Variants in NDST1 observed in about 807,000 individuals in gnomAD.
The protein encoded by NDST1 is bifunctional heparan sulfate N-deacetylase/N-sulfotransferase 1.
In NDST1, 35 loss-of-function variants were observed where a neutral mutation model predicts 92.8. The observed-to-expected ratio is 0.38, with a 90% CI of 0.29 to 0.50. The LOEUF (loss-of-function observed/expected upper bound fraction) is 0.50, where lower values mean the gene tolerates loss of function less well. Among genes scored for constraint, NDST1 ranks in the 20% least tolerant of loss-of-function variants. NDST1 has a pLI of 0.94. For missense variants in NDST1, 822 were observed against 1,182.7 expected (o/e 0.69, Z 4.47); for synonymous variants, 493 against 500.3 (o/e 0.99, Z 0.19).
rs1262315037 is a variant in NDST1, at chr5:150,555,019, G to A, written c.*1687G>A. On this transcript the variant is annotated 3_prime_UTR_variant, in exon 15 of 15. Transcript: ENST00000261797. Reference sequence around the variant, plus strand: ...TTGGGGCTGGAAGGTCCTTTGACGGGTATGAAACAGGTCCAGAAAGGGGAG... The same window carrying A: ...TTGGGGCTGGAAGGTCCTTTGACGGATATGAAACAGGTCCAGAAAGGGGAG... 2 of 152,800 alleles carry A rather than the reference G, an allele frequency of 1.3e-5. No homozygotes were observed. Among genetic ancestry groups the A allele is most frequent in the Admixed American group, 1.3e-4 (2 of 15,286 alleles). 9.5% of individuals were successfully genotyped at this position (152,800 alleles called of 1,614,324 possible).
chr5:150,532,164 G>T (rs1021162957), intron 3 of NDST1, among the ~76,000 whole-genome samples: 2 of 152,222 alleles, frequency 1.3e-5, no homozygotes, highest in East Asian at 1.9e-4. Flanking sequence ...TTAGAGCAGG[G>T]TCTTACAGTT....
At chr5:150,551,432 T>G (rs1439111326) in intron 13 of NDST1, among the ~76,000 whole-genome samples, 1 of 151,642 alleles carries the variant, frequency 6.6e-6, no homozygotes, top group Admixed American at 6.6e-5. Flanking sequence ...TTGAGAATGC[T>G]CAGAAAAGAT....
intron 1 of NDST1, among the ~76,000 whole-genome samples, chr5:150,514,445 C>T (rs545757412): frequency 6.2e-4 from 94 of 151,620 alleles, no homozygotes; most frequent in African/African-American, 2.1e-3. Flanking sequence ...CTTGTAATCC[C>T]AGCTACTCGG....
chr5:150,519,891 T>C (rs1170232469), intron 1 of NDST1, among the ~76,000 whole-genome samples: 1 of 151,970 alleles, frequency 6.6e-6, no homozygotes, highest in African/African-American at 2.4e-5. Flanking sequence ...GTGGCCTGGG[T>C]GCAGGCGGTG....
intron 2 of NDST1, among the ~76,000 whole-genome samples, chr5:150,527,538 G>A (rs1335876553): frequency 6.6e-6 from 1 of 152,234 alleles, no homozygotes; most frequent in African/African-American, 2.4e-5. Flanking sequence ...GGGTATGAGA[G>A]CAGTGTCTCC....
In NDST1 at chr5:150,539,136, G is replaced by C. The variant is rs76669387; in HGVS notation, c.1438-92G>C. The C allele has an allele frequency of 3.2e-5, 34 of 1,059,026 alleles. No individual in the cohort carries two copies. The East Asian group carries it at 8.1e-4, about 25-fold the overall frequency. 65.6% of individuals were successfully genotyped at this position (1,059,026 alleles called of 1,614,324 possible). On this transcript the variant is annotated intron_variant, in intron 6 of 14. Transcript: ENST00000261797. ...ACCACATGGAGACTGCCTTTCTGAGGAGCAGCTGGGCCTTCTTCCTCTGAG... is the reference window on the plus strand; with the variant it reads ...ACCACATGGAGACTGCCTTTCTGAGCAGCAGCTGGGCCTTCTTCCTCTGAG...
chr5:150,530,950 A>G (rs1754703052), intron 3 of NDST1, among the ~76,000 whole-genome samples: 1 of 152,212 alleles, frequency 6.6e-6, no homozygotes, highest in Non-Finnish European at 1.5e-5. Flanking sequence ...GATACAAACC[A>G]AAAATACAAA....
intron 2 of NDST1, among the ~76,000 whole-genome samples, chr5:150,524,069 A>G (rs1222361094): frequency 6.6e-6 from 1 of 152,190 alleles, no homozygotes; most frequent in Non-Finnish European, 1.5e-5. Flanking sequence ...GTTCCCACTG[A>G]TGCTGGATTC....
intron 4 of NDST1, among the ~76,000 whole-genome samples, chr5:150,533,323 A>G (rs1354987151): frequency 1.3e-5 from 2 of 152,150 alleles, no homozygotes; most frequent in African/African-American, 2.4e-5. Flanking sequence ...TCTCCCTCCT[A>G]TCTTTTACAA....
chr5:150,521,002 C>T lies in NDST1; in HGVS notation c.-253C>T, dbSNP rs1241784423. 8.9e-5 allele frequency: 53 copies of T among 595,780 alleles called. No homozygotes were observed. The highest frequency in any genetic ancestry group is 5.1e-4 in the Admixed American group (17 of 33,234). The allele number at this position is 595,780 out of a possible 1,614,324, so 36.9% of individuals were successfully genotyped here. The stretch of plus-strand genomic sequence containing the variant: ...CACTTCTGCTCTGCACAGGACCACG[C>T]GGGGGTTTGCCATGGTGACATAAAG... On this transcript the variant is annotated 5_prime_UTR_variant, in exon 2 of 15. Coordinates refer to ENST00000261797, the MANE Select transcript of NDST1 (RefSeq NM_001543.5). The surrounding 1 kb of genome is among the most constrained non-coding windows in gnomAD (Gnocchi z 5.9).
chr5:150,552,743 C>T (rs980963609), intron 14 of NDST1: 3 of 228,954 alleles, frequency 1.3e-5, no homozygotes, highest in South Asian at 6.1e-5. Context: ...TTTTGATGCT[C>T]CTGCCAACTG....
rs1754222813 is a variant in NDST1, at chr5:150,521,062, TG to T, written c.-191del. The stretch of plus-strand genomic sequence containing the variant: ...GGAAGGAAGGAGCGTGACCAGCCTG[TG>T]GACTGCGCCCCTGGCTGGGAGGAAG... On this transcript the variant is annotated 5_prime_UTR_variant, in exon 2 of 15. Coordinates refer to ENST00000261797, the MANE Select transcript of NDST1 (RefSeq NM_001543.5). The surrounding 1 kb of genome is among the most constrained non-coding windows in gnomAD (Gnocchi z 5.9). 1.6e-6 allele frequency: 1 copy of T among 609,042 alleles called. No individual in the cohort carries two copies. The highest frequency in any genetic ancestry group is 2.0e-5 in the South Asian group (1 of 51,000). The allele number at this position is 609,042 out of a possible 1,614,324, so 37.7% of individuals were successfully genotyped here.
At position 150,556,717 on chromosome 5, in the gene NDST1, T is replaced by C. The variant is rs1308252370; in HGVS notation, c.*3385T>C. ...AGAGTTAGGGCATTGTCCTACACAT[T>C]GGCCCAGTATCACAGCCAAGACGAG... is the stretch of plus-strand genomic sequence containing the variant. On this transcript the variant is annotated 3_prime_UTR_variant, in exon 15 of 15. Transcript: ENST00000261797. 3.3e-5 allele frequency: 5 copies of C among 152,322 alleles called. No homozygotes were observed. Among genetic ancestry groups the C allele is most frequent in the Admixed American group, 6.5e-5 (1 of 15,286 alleles). The allele number at this position is 152,322 out of a possible 1,614,324, so 9.4% of individuals were successfully genotyped here. A position where few individuals can be genotyped will look rare whatever the true frequency, so the allele number is the denominator to read the frequency against.
rs753601950 is a variant in NDST1 at position 150,541,563 on chromosome 5, G to A, written c.1750-7G>A. 9 of 1,613,998 alleles carry A rather than the reference G, an allele frequency of 5.6e-6. No individual in the cohort carries two copies. The highest frequency in any genetic ancestry group is 6.8e-6 in the Non-Finnish European group (8 of 1,179,994). The stretch of plus-strand genomic sequence containing the variant: ...CGCCCCACACATCCCTTCCACTGTT[G>A]TTTTAGGACCCCTGCGAGGACAAAC... On this transcript the variant is annotated splice_polypyrimidine_tract_variant and splice_region_variant and intron_variant, in intron 8 of 14. Transcript: ENST00000261797.
intron 10 of NDST1, among the ~76,000 whole-genome samples, chr5:150,543,689 T>C (rs1406462119): frequency 6.6e-6 from 1 of 152,262 alleles, no homozygotes; most frequent in African/African-American, 2.4e-5. Flanking sequence ...ACTGCAAAGT[T>C]TGCCTTTTTA....
chr5:150,550,450 A>G (rs1755671753), intron 13 of NDST1: 1 of 155,892 alleles, frequency 6.4e-6, no homozygotes, highest in African/African-American at 2.4e-5. Flanking sequence ...ACAGTTAATA[A>G]CCGTACTCAC....
chr5:150,545,479 G>A lies in NDST1; in HGVS notation c.2138G>A (p.Trp713Ter). The A allele has an allele frequency of 6.2e-7, 1 of 1,614,214 alleles. No homozygotes were observed. Among genetic ancestry groups the A allele is most frequent in the Non-Finnish European group, 8.5e-7 (1 of 1,180,030 alleles). Residue 713 changes from tryptophan to a stop codon, truncating the protein, a stop_gained, in exon 11 of 15, where the codon TGG becomes TAG. Coordinates refer to ENST00000261797, the MANE Select transcript of NDST1 (RefSeq NM_001543.5). LOFTEE classifies it high-confidence loss of function. ...AACCCCGCGGACCGGGCCTATTCCTGGTACCAGGTGAGTGGGGCTGGGGTG... is the reference window on the plus strand; with the variant it reads ...AACCCCGCGGACCGGGCCTATTCCTAGTACCAGGTGAGTGGGGCTGGGGTG... Reference protein sequence around the residue: ...LINPADRAYSWYQHQRAHDDP... With the variant: ...LINPADRAYS
intron 10 of NDST1, among the ~76,000 whole-genome samples, chr5:150,544,025 G>A (rs58035984): frequency 0.014 from 2,103 of 152,242 alleles, 45 homozygotes; most frequent in African/African-American, 0.044. Flanking sequence ...TGATCTGCCC[G>A]CCTCGGCCTC....
At chr5:150,535,429 G>A in intron 5 of NDST1, 1 of 976,828 alleles carries the variant, frequency 1.0e-6, no homozygotes, top group South Asian at 4.7e-5. Context: ...TCACTACAGG[G>A]TACTTGAGTC....
Sources: allele counts gnomAD v4.1 joint callset (sites outside exome capture counted in the v4.1 genomes callset), GRCh38; gene constraint gnomAD v4.1.1; non-coding constraint Gnocchi (gnomAD v3.1); transcripts MANE v1.5; gene names NCBI Gene and HGNC (gene_info 2026-07-23, HGNC 2026-07-21).